The following ARHGAP44 variants were observed in gnomAD, a reference collection of about 807,000 sequenced individuals.
ARHGAP44 encodes Rho GTPase activating protein 44.
ARHGAP44 carries 43 observed loss-of-function variants against 106.8 expected under a neutral mutation model. The ratio of observed to expected loss-of-function variants is 0.40; its 90% CI spans 0.32 to 0.52. ARHGAP44 has a LOEUF of 0.52. Ranked by LOEUF, ARHGAP44 falls within the 20% of genes least tolerant of loss-of-function variation. The pLI is 0.48. For synonymous variants in ARHGAP44, 439 were observed against 410.3 expected (o/e 1.07, Z -0.85); for missense variants, 866 against 1,050.5 (o/e 0.82, Z 2.43).
intron 1 of ARHGAP44, among the ~76,000 whole-genome samples, chr17:12,828,869 C>T (rs1159591989): frequency 6.6e-6 from 1 of 151,942 alleles, no homozygotes; most frequent in Non-Finnish European, 1.5e-5. Flanking sequence ...TCTCGATCTC[C>T]TGACCTCGTG....
chr17:12,929,582 C>T (rs372762689), intron 7 of ARHGAP44, among the ~76,000 whole-genome samples: 4 of 152,304 alleles, frequency 2.6e-5, no homozygotes, highest in Admixed American at 1.3e-4. Context: ...CTGAAAACTG[C>T]GACTCTGTAC....
At chr17:12,960,292 G>A (rs566633481) in intron 16 of ARHGAP44, among the ~76,000 whole-genome samples, 3 of 152,238 alleles carry the variant, frequency 2.0e-5, no homozygotes, top group Admixed American at 2.0e-4. Flanking sequence ...AGTCTCAGCT[G>A]GGCGCGGTGG....
At chr17:12,853,189 C>G (rs574591774) in intron 1 of ARHGAP44, among the ~76,000 whole-genome samples, 1 of 152,152 alleles carries the variant, frequency 6.6e-6, no homozygotes, top group African/African-American at 2.4e-5. Context: ...GTCCAGCAGT[C>G]CAAAAGCTGA....
At position 12,968,792 on chromosome 17, in the gene ARHGAP44, C is replaced by T. The variant is rs572391968; in HGVS notation, c.1524-4510C>T. On this transcript the variant is annotated intron_variant, in intron 16 of 20. Coordinates refer to ENST00000379672, the MANE Select transcript of ARHGAP44 (RefSeq NM_014859.6). ...CTTTTCTTTTTTTTTTTTTTTGATACAGAGTCTCACACTGTCGCCCAGGTT... is the reference window on the plus strand; with the variant it reads ...CTTTTCTTTTTTTTTTTTTTTGATATAGAGTCTCACACTGTCGCCCAGGTT... Among the ~76,000 whole-genome samples, 50 of 138,714 alleles carry T rather than the reference C, an allele frequency of 3.6e-4. 2 individuals carry two copies. The South Asian group carries it at 0.011, about 31-fold the overall frequency. 91.0% of individuals were successfully genotyped at this position (138,714 alleles called of 152,430 possible). A position where few individuals can be genotyped will look rare whatever the true frequency, so the allele number is the denominator to read the frequency against.
intron 1 of ARHGAP44, among the ~76,000 whole-genome samples, chr17:12,807,686 A>G (rs924496305): frequency 2.0e-5 from 3 of 152,136 alleles, no homozygotes; most frequent in Admixed American, 6.5e-5. Context: ...GAATTATGGG[A>G]GCTACAATTC....
At chr17:12,877,668 T>G (rs1190219082) in intron 1 of ARHGAP44, among the ~76,000 whole-genome samples, 1 of 151,768 alleles carries the variant, frequency 6.6e-6, no homozygotes, top group Non-Finnish European at 1.5e-5. Flanking sequence ...GAGAATGGCA[T>G]GAACCCGGGA....
Position 12,990,141 on chromosome 17 carries a change from G to A in ARHGAP44, c.2427G>A (p.Ser809=), listed in dbSNP as rs764191232. ...RRHSVTDKRD[S]EEESESTAL ...ACTCAGTAACTGACAAGAGGGACTC[G>A]GAGGAGGAGTCTGAGAGCACCGCCC... Residue 809 remains serine, a synonymous_variant, in exon 21 of 21, where the codon TCG becomes TCA. Coordinates refer to ENST00000379672, the MANE Select transcript of ARHGAP44 (RefSeq NM_014859.6). 22 of 1,612,944 alleles carry A rather than the reference G, an allele frequency of 1.4e-5. 1 individual carries two copies. The highest frequency in any genetic ancestry group is 7.7e-5 in the South Asian group (7 of 91,072).
At position 12,931,841 on chromosome 17, in the gene ARHGAP44, T is replaced by TACACAC. The variant is rs10522083; in HGVS notation, c.582+2829_582+2834dup. Among the ~76,000 whole-genome samples the TACACAC allele has an allele frequency of 7.0e-3, 1,021 of 146,396 alleles. 14 individuals carry two copies. The highest frequency in any genetic ancestry group is 0.023 in the African/African-American group (920 of 39,416). ...ATTGCATGATATTCCACAGTAGGGA[T>TACACAC]ACACACACACACACACACACACACA... On this transcript the variant is annotated intron_variant, in intron 7 of 20. Transcript: ENST00000379672.
At chr17:12,897,202 T>C (rs1421552649) in intron 3 of ARHGAP44, among the ~76,000 whole-genome samples, 1 of 152,170 alleles carries the variant, frequency 6.6e-6, no homozygotes, top group East Asian at 1.9e-4. Context: ...GGATATACAA[T>C]CTAGGTTTTT....
chr17:12,927,818 G>T (rs1286618582), intron 6 of ARHGAP44, among the ~76,000 whole-genome samples: 1 of 152,148 alleles, frequency 6.6e-6, no homozygotes, highest in Non-Finnish European at 1.5e-5. Context: ...CCTGATTACA[G>T]GATTGTTTTT....
rs564331049 is a variant in ARHGAP44, at chr17:12,893,353, C to A, written c.54-1587C>A. ...TCACTAATACTGCAGAAGGGAGCAG[C>A]CTTGTTACTGCTGGGTGTTGGCAAG... is the stretch of plus-strand genomic sequence containing the variant. On this transcript the variant is annotated intron_variant, in intron 1 of 20. Coordinates refer to ENST00000379672, the MANE Select transcript of ARHGAP44 (RefSeq NM_014859.6). Among the ~76,000 whole-genome samples the A allele has an allele frequency of 2.6e-5, 4 of 152,244 alleles. No homozygotes were observed. In the East Asian group the frequency reaches 5.8e-4, roughly 22 times the overall value.
intron 1 of ARHGAP44, among the ~76,000 whole-genome samples, chr17:12,890,662 C>T (rs1049539606): frequency 3.3e-5 from 5 of 152,208 alleles, no homozygotes; most frequent in African/African-American, 7.2e-5. Flanking sequence ...ACCTGGCTTC[C>T]TGCTATCCAT....
At position 12,822,674 on chromosome 17, in the gene ARHGAP44, T is replaced by C. The variant is rs117719704; in HGVS notation, c.53+32783T>C. Among the ~76,000 whole-genome samples the C allele has an allele frequency of 8.0e-3, 1,217 of 152,298 alleles. 9 individuals carry two copies. Among genetic ancestry groups the C allele is most frequent in the Non-Finnish European group, 0.011 (770 of 68,016 alleles). Reference sequence around the variant, plus strand: ...GATGAGAGCTCAACAGAAACAATTATGCAGCCACAGAGCAAGGAAGAACAT... The same window carrying C: ...GATGAGAGCTCAACAGAAACAATTACGCAGCCACAGAGCAAGGAAGAACAT... On this transcript the variant is annotated intron_variant, in intron 1 of 20. Transcript: ENST00000379672.
At chr17:12,808,443 G>A (rs897400727) in intron 1 of ARHGAP44, among the ~76,000 whole-genome samples, 3 of 152,224 alleles carry the variant, frequency 2.0e-5, no homozygotes, top group African/African-American at 7.2e-5. Context: ...TACATCCTCT[G>A]AAATCTAGGA....
chr17:12,958,574 A>G lies in ARHGAP44; in HGVS notation c.1343-143A>G, dbSNP rs1355093242. ...CCTTTTTGGCCTGTTAATGTGATGC[A>G]TTATATTAATAAGGTGAACCATGGG... On this transcript the variant is annotated intron_variant, in intron 15 of 20. Coordinates refer to ENST00000379672, the MANE Select transcript of ARHGAP44 (RefSeq NM_014859.6). This position sits in a 1 kb window ranked among gnomAD's most constrained non-coding sequence, Gnocchi z 4.1. 2 of 743,074 alleles carry G rather than the reference A, an allele frequency of 2.7e-6. No homozygotes were observed. Among genetic ancestry groups the G allele is most frequent in the East Asian group, 2.7e-5 (1 of 36,648 alleles). The allele number at this position is 743,074 out of a possible 1,614,324, so 46.0% of individuals were successfully genotyped here.
At chr17:12,817,398 A>G (rs1484995962) in intron 1 of ARHGAP44, among the ~76,000 whole-genome samples, 1 of 151,988 alleles carries the variant, frequency 6.6e-6, no homozygotes. Flanking sequence ...TACCTACTAT[A>G]TACCCACAAA....
chr17:12,842,959 C>T (rs564214984), intron 1 of ARHGAP44, among the ~76,000 whole-genome samples: 1 of 152,286 alleles, frequency 6.6e-6, no homozygotes, highest in South Asian at 2.1e-4. Flanking sequence ...GTATATTCTC[C>T]TAACTCCAAG....
intron 1 of ARHGAP44, among the ~76,000 whole-genome samples, chr17:12,844,093 T>C (rs2035497210): frequency 6.6e-6 from 1 of 152,168 alleles, no homozygotes; most frequent in Non-Finnish European, 1.5e-5. Context: ...TGTGCATGCA[T>C]AGTTCAGGAG....
chr17:12,835,652 A>G (rs983136471), intron 1 of ARHGAP44, among the ~76,000 whole-genome samples: 1 of 152,228 alleles, frequency 6.6e-6, no homozygotes, highest in African/African-American at 2.4e-5. Context: ...TGTGAAAAAC[A>G]TATGACATAC....
Sources: allele counts gnomAD v4.1 joint callset (sites outside exome capture counted in the v4.1 genomes callset), GRCh38; gene constraint gnomAD v4.1.1; non-coding constraint Gnocchi (gnomAD v3.1); transcripts MANE v1.5; gene names NCBI Gene and HGNC (gene_info 2026-07-23, HGNC 2026-07-21).